Variants in SPECC1L observed in about 807,000 individuals in gnomAD.
SPECC1L encodes cytospin-A.
A neutral mutation model predicts 116.8 loss-of-function variants in SPECC1L; 40 were observed. That is an observed-to-expected ratio of 0.34 (90% CI 0.27 to 0.45). SPECC1L has a LOEUF of 0.45. Ranked by LOEUF, SPECC1L falls within the 20% of genes least tolerant of loss-of-function variation. The pLI, the probability that SPECC1L is intolerant of heterozygous loss-of-function variation, is 1.00. For synonymous variants in SPECC1L, 504 were observed against 500.6 expected (o/e 1.01, Z -0.09); for missense variants, 1,110 against 1,373.6 (o/e 0.81, Z 3.03).
intron 2 of SPECC1L, among the ~76,000 whole-genome samples, chr22:24,286,083 G>A (rs2146351458): frequency 6.6e-6 from 1 of 152,380 alleles, no homozygotes. Flanking sequence ...GCATGTATAT[G>A]TGTGTAGGGC....
chr22:24,413,951 T>C (rs1364573505), intron 16 of SPECC1L, among the ~76,000 whole-genome samples: 1 of 152,072 alleles, frequency 6.6e-6, no homozygotes, highest in African/African-American at 2.4e-5. Context: ...TTCTGTCTCG[T>C]GTTAAAGGCT....
intron 3 of SPECC1L, among the ~76,000 whole-genome samples, chr22:24,310,741 A>C (rs1021012454): frequency 3.9e-5 from 6 of 152,070 alleles, no homozygotes; most frequent in Non-Finnish European, 7.4e-5. Flanking sequence ...GAGATATTGC[A>C]AATATACTTT....
At chr22:24,294,309 A>G (rs1343493691) in intron 2 of SPECC1L, among the ~76,000 whole-genome samples, 2 of 137,802 alleles carry the variant, frequency 1.5e-5, no homozygotes, top group Non-Finnish European at 1.5e-5. Flanking sequence ...ATGGGGACCT[A>G]TTTTGTTCAT....
At chr22:24,365,688 A>G in intron 13 of SPECC1L, 56 bp downstream of exon 13, 1 of 1,590,016 alleles carries the variant, frequency 6.3e-7, no homozygotes, top group Non-Finnish European at 8.6e-7. Context: ...GCCTTTTGAC[A>G]GTAAATGATC....
chr22:24,312,618 T>C (rs2040484297), intron 3 of SPECC1L, among the ~76,000 whole-genome samples: 1 of 152,222 alleles, frequency 6.6e-6, no homozygotes, highest in South Asian at 2.1e-4. Context: ...TTCACTACTT[T>C]TTAGAATAAT....
intron 2 of SPECC1L, among the ~76,000 whole-genome samples, chr22:24,297,760 T>G (rs920863675): frequency 6.6e-6 from 1 of 152,250 alleles, no homozygotes; most frequent in African/African-American, 2.4e-5. Flanking sequence ...TTGTGCGGTC[T>G]CATTGTCACA....
chr22:24,323,429 G>T (rs996179593), intron 5 of SPECC1L, among the ~76,000 whole-genome samples: 2 of 152,150 alleles, frequency 1.3e-5, no homozygotes, highest in African/African-American at 4.8e-5. Context: ...TTTATTGCTG[G>T]CAGGGACCTT....
intron 14 of SPECC1L, among the ~76,000 whole-genome samples, chr22:24,391,619 G>A (rs1262243757): frequency 6.6e-6 from 1 of 152,092 alleles, no homozygotes; most frequent in African/African-American, 2.4e-5. Context: ...CTGCATTCAG[G>A]ACCGGTACAT....
At chr22:24,291,795 G>C (rs939558774) in intron 2 of SPECC1L, among the ~76,000 whole-genome samples, 3 of 152,106 alleles carry the variant, frequency 2.0e-5, no homozygotes, top group African/African-American at 7.2e-5. Context: ...ATTTCAGAGA[G>C]GTTAACTTAC....
Position 24,302,388 on chromosome 22 carries a change from T to G in SPECC1L, c.153+4T>G, listed in dbSNP as rs1243041885. ...AACAGCAGCATCATTGTCAAAGGTA[T>G]TCATGTGATGTTTGAATACATGATG... is the stretch of plus-strand genomic sequence containing the variant. On this transcript the variant is annotated splice_donor_region_variant and intron_variant, in intron 3 of 16. Transcript: ENST00000314328. The G allele has an allele frequency of 6.2e-7, 1 of 1,614,078 alleles. No individual in the cohort carries two copies. Among genetic ancestry groups the G allele is most frequent in the East Asian group, 2.2e-5 (1 of 44,878 alleles).
Position 24,415,123 on chromosome 22 carries a change from C to T in SPECC1L, c.*500C>T. 1 of 199,642 alleles carries T rather than the reference C, an allele frequency of 5.0e-6. No individual in the cohort carries two copies. Among genetic ancestry groups the T allele is most frequent in the South Asian group, 9.2e-5 (1 of 10,910 alleles). The allele number at this position is 199,642 out of a possible 1,614,324, so 12.4% of individuals were successfully genotyped here. A position where few individuals can be genotyped will look rare whatever the true frequency, so the allele number is the denominator to read the frequency against. On this transcript the variant is annotated 3_prime_UTR_variant, in exon 17 of 17. Coordinates refer to ENST00000314328, the MANE Select transcript of SPECC1L (RefSeq NM_015330.6). ...CCCAGCGCCCTGGGCCCTTCACCGT[C>T]CTAGTTTGGAGGAGCATGTTCACCA...
intron 7 of SPECC1L, 77 bp from the exon 8 acceptor site, chr22:24,330,179 C>A: frequency 6.8e-7 from 1 of 1,480,582 alleles, no homozygotes; most frequent in South Asian, 1.2e-5. Flanking sequence ...GCAATCCAAT[C>A]ATAAACAAAT....
intron 10 of SPECC1L, among the ~76,000 whole-genome samples, chr22:24,344,924 A>G (rs1377174094): frequency 6.6e-6 from 1 of 152,252 alleles, no homozygotes; most frequent in Non-Finnish European, 1.5e-5. Context: ...GGAAGACTCA[A>G]TATCATTAAT....
intron 14 of SPECC1L, among the ~76,000 whole-genome samples, chr22:24,376,191 A>T (rs1424662550): frequency 6.6e-6 from 1 of 152,176 alleles, no homozygotes; most frequent in Non-Finnish European, 1.5e-5. Context: ...GATGTGATTT[A>T]TGTCTAGATT....
At chr22:24,412,739 G>T (rs776698226) in intron 16 of SPECC1L, 32 bp downstream of exon 16, 1 of 1,610,920 alleles carries the variant, frequency 6.2e-7, no homozygotes, top group Non-Finnish European at 8.5e-7. Flanking sequence ...TCACTGGCAG[G>T]GCCCTCCTTC....
At chr22:24,302,870 A>G (rs564440082) in intron 3 of SPECC1L, among the ~76,000 whole-genome samples, 67 of 152,240 alleles carry the variant, frequency 4.4e-4, no homozygotes, top group Non-Finnish European at 7.9e-4. Context: ...AGGTGTTTTT[A>G]TCTGCCTGTC....
At chr22:24,412,736 C>T (rs1390196381) in intron 16 of SPECC1L, 29 bp downstream of exon 16, 2 of 1,610,790 alleles carry the variant, frequency 1.2e-6, no homozygotes, top group African/African-American at 1.3e-5. Flanking sequence ...GAGTCACTGG[C>T]AGGGCCCTCC....
At chr22:24,341,225 G>A (rs1372477371) in intron 10 of SPECC1L, among the ~76,000 whole-genome samples, 1 of 152,212 alleles carries the variant, frequency 6.6e-6, no homozygotes, top group East Asian at 1.9e-4. Context: ...AATCTGCGTA[G>A]GCATCCCTTT....
intron 2 of SPECC1L, among the ~76,000 whole-genome samples, chr22:24,298,403 G>A (rs924012383): frequency 6.6e-6 from 1 of 152,180 alleles, no homozygotes; most frequent in East Asian, 1.9e-4. Flanking sequence ...TTAGGCATCC[G>A]TAGGGGTTCT....
Sources: allele counts gnomAD v4.1 joint callset (sites outside exome capture counted in the v4.1 genomes callset), GRCh38; gene constraint gnomAD v4.1.1; transcripts MANE v1.5; gene names NCBI Gene and HGNC (gene_info 2026-07-23, HGNC 2026-07-21).